The following LPA variants were observed in gnomAD, a reference collection of about 807,000 sequenced individuals.
The protein encoded by LPA is lipoprotein(a), also known as apolipoprotein(a).
LPA carries 199 observed loss-of-function variants against 197.9 expected under a neutral mutation model. The ratio of observed to expected loss-of-function variants is 1.01; its 90% confidence interval spans 0.90 to 1.13. The LOEUF is 1.13. Among genes scored for constraint, LPA ranks in the 50% most tolerant of loss-of-function variants. The pLI, the probability that LPA is intolerant of heterozygous loss-of-function variation, is 0.00. For synonymous variants in LPA, 715 were observed against 639.5 expected (o/e 1.12, Z -1.78); for missense variants, 1,853 against 1,785.8 (o/e 1.04, Z -0.68).
intron 16 of LPA, among the ~76,000 whole-genome samples, chr6:160,611,120 A>G (rs1779500263): frequency 1.3e-5 from 2 of 152,132 alleles, no homozygotes; most frequent in South Asian, 4.1e-4. Context: ...GTAGAAATAG[A>G]AACAGATCAA....
At chr6:160,608,405 A>G (rs189227376) in intron 16 of LPA, among the ~76,000 whole-genome samples, 12 of 152,276 alleles carry the variant, frequency 7.9e-5, no homozygotes, top group Non-Finnish European at 4.4e-5. Context: ...CCACATTAAT[A>G]ACATTCCCGG....
intron 2 of LPA, among the ~76,000 whole-genome samples, chr6:160,649,631 C>G (rs1320115649): frequency 1.3e-5 from 2 of 152,176 alleles, no homozygotes; most frequent in Non-Finnish European, 2.9e-5. Flanking sequence ...CTCTCTCTCG[C>G]AATTCCCTTG....
intron 30 of LPA, among the ~76,000 whole-genome samples, chr6:160,550,461 T>C (rs1778150621): frequency 1.3e-5 from 2 of 152,224 alleles, no homozygotes; most frequent in South Asian, 4.1e-4. Context: ...TCCAGCAAGC[T>C]GGTTCTCCAA....
chr6:160,611,597 G>A lies in LPA; in HGVS notation c.2568C>T (p.His856=), dbSNP rs776719332. The change falls in exon 16 of 39, where the codon CAC becomes CAT. Residue 856 remains histidine, a synonymous_variant. Coordinates refer to ENST00000316300, the MANE Select transcript of LPA (RefSeq NM_005577.4). ...AGTATTCTGGGGTCCGACTATGCGA[G>A]TGTGGTGTCATAGATGACCAAGCTT... ...TCQAWSSMTP[H]SHSRTPEYYP... is the part of the protein sequence containing the mutation. The A allele has an allele frequency of 1.7e-5, 27 of 1,602,674 alleles. No individual in the cohort carries two copies. In the South Asian group the frequency reaches 2.9e-4, roughly 17 times the overall value.
chr6:160,562,544 C>T (rs1778380419), intron 28 of LPA, among the ~76,000 whole-genome samples: 1 of 152,126 alleles, frequency 6.6e-6, no homozygotes, highest in African/African-American at 2.4e-5. Flanking sequence ...CTTGTTGTGT[C>T]TCTGCCAGGT....
At position 160,600,925 on chromosome 6, in the gene LPA, A is replaced by G. The variant is rs1043943428; in HGVS notation, c.3119T>C (p.Phe1040Ser). The G allele has an allele frequency of 6.2e-7, 1 of 1,612,480 alleles. No homozygotes were observed. Among genetic ancestry groups the G allele is most frequent in the Non-Finnish European group, 8.5e-7 (1 of 1,179,948 alleles). The change falls in exon 19 of 39, where the codon TTT (phenylalanine) becomes TCT (serine). Residue 1040 changes from phenylalanine to serine, a missense_variant. Around this residue, in one of 3 missense-constraint regions of LPA, gnomAD observed 1,737 missense variants for 1,504.4 expected, o/e 1.15. Coordinates refer to ENST00000316300, the MANE Select transcript of LPA (RefSeq NM_005577.4). ...CTGGCACAACTTCTTACCTTGTTCA[A>G]AAAAAGCCTCTAGGCTTGGAGCCAG... The part of the protein sequence containing the change: ...VILAPSLEAF[F>S]EQALTEETPG...
chr6:160,584,537 A>G (rs1461341822), intron 26 of LPA, among the ~76,000 whole-genome samples: 10 of 151,692 alleles, frequency 6.6e-5, no homozygotes, highest in Admixed American at 6.6e-4. Context: ...TTGCCATGTT[A>G]GCCAGGCTGG....
chr6:160,578,721 A>T lies in LPA; in HGVS notation c.4290-17T>A. On this transcript the variant is annotated splice_polypyrimidine_tract_variant and intron_variant, in intron 26 of 38. Coordinates refer to ENST00000316300, the MANE Select transcript of LPA (RefSeq NM_005577.4). ...GTCAGGCCACTGCAAATTTCAAAAC[A>T]ACACAGGTCACCAGAGATGGGAGAA... The T allele has an allele frequency of 1.2e-6, 2 of 1,613,676 alleles. No individual in the cohort carries two copies. The highest frequency in any genetic ancestry group is 2.2e-5 in the East Asian group (1 of 44,828).
At chr6:160,607,604 G>A (rs563859260) in intron 16 of LPA, among the ~76,000 whole-genome samples, 3 of 152,222 alleles carry the variant, frequency 2.0e-5, no homozygotes, top group Non-Finnish European at 2.9e-5. Context: ...TCCCAAGAAC[G>A]TTGCTCCAAC....
At chr6:160,634,919 C>A (rs1257721415) in intron 7 of LPA, among the ~76,000 whole-genome samples, 1 of 150,212 alleles carries the variant, frequency 6.7e-6, no homozygotes, top group Non-Finnish European at 1.5e-5. Flanking sequence ...TGTGCCCATT[C>A]TAAAGACAAA....
intron 16 of LPA, among the ~76,000 whole-genome samples, chr6:160,611,185 G>T (rs1779503293): frequency 6.6e-6 from 1 of 152,084 alleles, no homozygotes; most frequent in Non-Finnish European, 1.5e-5. Flanking sequence ...AGACAGAAAA[G>T]GCAAACACAA....
chr6:160,602,255 G>A (rs1403531895), intron 18 of LPA, among the ~76,000 whole-genome samples: 1 of 152,016 alleles, frequency 6.6e-6, no homozygotes, highest in Non-Finnish European at 1.5e-5. Context: ...TTGGATACAT[G>A]GAAAATTCTT....
At position 160,657,152 on chromosome 6, in the gene LPA, G is replaced by A. The variant is rs117162385; in HGVS notation, c.50-6655C>T. ...CTGACATACAGAGAAGAGCAATTAC[G>A]GGCTCTTCAAAAATACAGGTGCTGC... On this transcript the variant is annotated intron_variant, in intron 1 of 38. Coordinates refer to ENST00000316300, the MANE Select transcript of LPA (RefSeq NM_005577.4). Among the ~76,000 whole-genome samples, 531 of 152,186 alleles carry A rather than the reference G, an allele frequency of 3.5e-3. 8 individuals carry two copies. In the East Asian group the frequency reaches 0.035, roughly 10 times the overall value.
intron 28 of LPA, among the ~76,000 whole-genome samples, chr6:160,566,619 A>G (rs1046989163): frequency 6.6e-6 from 1 of 152,248 alleles, no homozygotes; most frequent in Non-Finnish European, 1.5e-5. Context: ...TCATGATGAC[A>G]GGATCAAATT....
chr6:160,577,868 T>C (rs1374864104), intron 27 of LPA, among the ~76,000 whole-genome samples: 1 of 152,160 alleles, frequency 6.6e-6, no homozygotes, highest in Non-Finnish European at 1.5e-5. Context: ...GAGTCCTGAA[T>C]TGTAACAAAG....
chr6:160,538,032 C>G, intron 36 of LPA, 71 bp from the exon 37 acceptor site: 1 of 1,348,084 alleles, frequency 7.4e-7, no homozygotes, highest in Non-Finnish European at 1.1e-6. Context: ...ACCAGGCATC[C>G]CTGCCTTGAA....
At chr6:160,626,202 T>C (rs963392479) in intron 10 of LPA, among the ~76,000 whole-genome samples, 1 of 137,138 alleles carries the variant, frequency 7.3e-6, no homozygotes, top group Non-Finnish European at 1.5e-5. Flanking sequence ...TTCTGTGATT[T>C]TTTTTAATGT....
intron 17 of LPA, 82 bp downstream of exon 17, chr6:160,606,395 G>A (rs904715575): frequency 1.9e-5 from 30 of 1,546,890 alleles, no homozygotes; most frequent in South Asian, 7.8e-5. Context: ...TTTACCATTG[G>A]AGGCTGCTGC....
chr6:160,590,961 G>T lies in LPA; in HGVS notation c.3770C>A (p.Thr1257Lys), dbSNP rs41267819. The T allele has an allele frequency of 8.1e-6, 13 of 1,613,956 alleles. No homozygotes were observed. Among genetic ancestry groups the T allele is most frequent in the Admixed American group, 3.3e-5 (2 of 60,000 alleles). Residue 1257 changes from threonine to lysine, a missense_variant, in exon 23 of 39, where the codon ACG becomes AAG. By Grantham distance (78) the Thr-to-Lys change is moderately conservative (BLOSUM62 -1). Coordinates refer to ENST00000316300, the MANE Select transcript of LPA (RefSeq NM_005577.4). ...CTTCTTACCTTGTTCAGAAACAGCC[G>T]TGGACGTCGCAAGGACACTTGATTC... ...VTESSVLATS[T>K]AVSEQAPTEQ... is the part of the protein sequence containing the mutation.
Sources: gnomAD v4.1 joint callset for allele counts (sites outside exome capture counted in the v4.1 genomes callset) on GRCh38, gnomAD v4.1.1 for gene constraint, gnomAD v4.1.1 regional missense constraint, MANE v1.5 for transcripts, NCBI Gene and HGNC (gene_info 2026-07-23, HGNC 2026-07-21) for gene names.